The following CHL1 variants were observed in gnomAD, a reference collection of about 807,000 sequenced individuals.
CHL1 encodes the protein cell adhesion molecule L1 like, also known as neural cell adhesion molecule L1-like protein.
A neutral mutation model predicts 141.9 loss-of-function variants in CHL1; 96 were observed. The ratio of observed to expected loss-of-function variants is 0.68; its 90% CI spans 0.57 to 0.80. The LOEUF is 0.80. Among genes scored for constraint, CHL1 ranks in the 30% least tolerant of loss-of-function variants. The pLI, the probability that CHL1 is intolerant of heterozygous loss-of-function variation, is 0.00. For missense variants in CHL1, 1,820 were observed against 1,457.2 expected (o/e 1.25, Z -4.05); for synonymous variants, 613 against 502.2 (o/e 1.22, Z -2.95).
chr3:316,953 A>G (rs1270629667), intron 2 of CHL1, among the ~76,000 whole-genome samples: 1 of 152,050 alleles, frequency 6.6e-6, no homozygotes, highest in African/African-American at 2.4e-5. Context: ...TGGAATTCCT[A>G]AGAAACATAC....
chr3:233,100 T>G (rs1319764814), intron 1 of CHL1, among the ~76,000 whole-genome samples: 2 of 152,130 alleles, frequency 1.3e-5, no homozygotes, highest in Non-Finnish European at 2.9e-5. Flanking sequence ...AAACTGGAGT[T>G]ATCTTCCTGA....
intron 2 of CHL1, among the ~76,000 whole-genome samples, chr3:276,356 T>A (rs1189870541): frequency 6.6e-6 from 1 of 152,222 alleles, no homozygotes; most frequent in East Asian, 1.9e-4. Context: ...TTATAACCTT[T>A]CTTCTCAGAC....
intron 2 of CHL1, among the ~76,000 whole-genome samples, chr3:294,782 C>G (rs1698032361): frequency 6.6e-6 from 1 of 152,142 alleles, no homozygotes; most frequent in Non-Finnish European, 1.5e-5. Flanking sequence ...ACCTTCAAAA[C>G]TGCGGTCGAC....
At chr3:199,717 A>T (rs1354230016) in intron 1 of CHL1, among the ~76,000 whole-genome samples, 1 of 152,184 alleles carries the variant, frequency 6.6e-6, no homozygotes, top group Non-Finnish European at 1.5e-5. Flanking sequence ...AATAGAGCTC[A>T]CCCAGAAAAA....
Position 349,423 on chromosome 3 carries a change from G to T in CHL1, c.913G>T (p.Glu305Ter). 1 of 1,613,956 alleles carries T rather than the reference G, an allele frequency of 6.2e-7. No homozygotes were observed. The highest frequency in any genetic ancestry group is 8.5e-7 in the Non-Finnish European group (1 of 1,179,844). The change falls in exon 10 of 28, where the codon GAA (glutamate) becomes TAA (stop). Residue 305 changes from glutamate to a stop codon, truncating the protein, a stop_gained. Coordinates refer to ENST00000256509, the MANE Select transcript of CHL1 (RefSeq NM_006614.4). LOFTEE classifies it high-confidence loss of function. ...GDLPKGRETK[E>*]NYGKTLKIEN... ...CTTACCAAAGGGGAGAGAAACAAAA[G>T]AAAATTATGGCAAGACTTTGAAGAT...
chr3:312,028 G>C (rs947092321), intron 2 of CHL1, among the ~76,000 whole-genome samples: 6 of 152,052 alleles, frequency 3.9e-5, no homozygotes, highest in Admixed American at 3.9e-4. Flanking sequence ...ACATGTATAG[G>C]TGGGAAAACA....
intron 11 of CHL1, among the ~76,000 whole-genome samples, chr3:355,504 A>G (rs558166312): frequency 4.6e-5 from 7 of 152,278 alleles, no homozygotes; most frequent in Non-Finnish European, 7.4e-5. Flanking sequence ...ATTATTTTGG[A>G]TGTCCTTGTT....
intron 1 of CHL1, among the ~76,000 whole-genome samples, chr3:206,469 A>T (rs1365127017): frequency 6.6e-6 from 1 of 152,114 alleles, no homozygotes; most frequent in Non-Finnish European, 1.5e-5. Flanking sequence ...GTCTTAAAAA[A>T]AAATCTTAAT....
At chr3:333,124 A>ATTTTT (rs879790982) in intron 5 of CHL1, among the ~76,000 whole-genome samples, 1,094 of 83,276 alleles carry the variant, frequency 0.013, 310 homozygotes, top group African/African-American at 0.021. Flanking sequence ...TAATTGCTCT[A>ATTTTT]TTTTTTTTAT....
chr3:388,072 G>T (rs927275998), intron 19 of CHL1, among the ~76,000 whole-genome samples: 1 of 152,138 alleles, frequency 6.6e-6, no homozygotes, highest in African/African-American at 2.4e-5. Flanking sequence ...TTATATAAGT[G>T]AACCTTAAAT....
intron 11 of CHL1, 22 bp from the exon 12 acceptor site, chr3:360,261 TG>T: frequency 1.2e-6 from 2 of 1,612,484 alleles, no homozygotes; most frequent in Non-Finnish European, 1.7e-6. Context: ...CTTATCAAAC[TG>T]ACATTCTTTA....
At chr3:335,970 T>G (rs531911506) in intron 5 of CHL1, among the ~76,000 whole-genome samples, 21 of 152,214 alleles carry the variant, frequency 1.4e-4, no homozygotes, top group Non-Finnish European at 2.8e-4. Flanking sequence ...TGCTCCTATT[T>G]TAATCGATTC....
At chr3:253,066 GC>G (rs1693846298) in intron 2 of CHL1, among the ~76,000 whole-genome samples, 1 of 151,988 alleles carries the variant, frequency 6.6e-6, no homozygotes, top group Non-Finnish European at 1.5e-5. Context: ...AGTAATGTGT[GC>G]TTTTACAAGT....
In CHL1 at chr3:406,903, A is replaced by T. The variant is rs906831001; in HGVS notation, c.*1192A>T. 1 of 152,278 alleles carries T rather than the reference A, an allele frequency of 6.6e-6. No individual in the cohort carries two copies. The highest frequency in any genetic ancestry group is 2.1e-4 in the South Asian group (1 of 4,834). The allele number at this position is 152,278 out of a possible 1,614,324, so 9.4% of individuals were successfully genotyped here. A position where few individuals can be genotyped will look rare whatever the true frequency, so the allele number is the denominator to read the frequency against. ...AATAGGTTTTTATTGTTGAATGTAC[A>T]TCTACCCCAGCCCCTCAAAAGAAAA... is the stretch of plus-strand genomic sequence containing the variant. On this transcript the variant is annotated 3_prime_UTR_variant, in exon 28 of 28. Transcript: ENST00000256509.
rs1709567969 is a variant in CHL1, at chr3:406,955, T to TA, written c.*1245dup. On this transcript the variant is annotated 3_prime_UTR_variant, in exon 28 of 28. Coordinates refer to ENST00000256509, the MANE Select transcript of CHL1 (RefSeq NM_006614.4). ...CTGTTTACATAGAAATTCCTACACA[T>TA]ACGTTTGCGTATATGTTATTTTAAA... is the stretch of plus-strand genomic sequence containing the variant. The TA allele has an allele frequency of 6.6e-6, 1 of 152,176 alleles. No individual in the cohort carries two copies. Among genetic ancestry groups the TA allele is most frequent in the Admixed American group, 6.6e-5 (1 of 15,260 alleles). The allele number at this position is 152,176 out of a possible 1,614,324, so 9.4% of individuals were successfully genotyped here.
At chr3:385,207 T>C (rs1707537730) in intron 19 of CHL1, among the ~76,000 whole-genome samples, 1 of 152,198 alleles carries the variant, frequency 6.6e-6, no homozygotes, top group African/African-American at 2.4e-5. Flanking sequence ...ATATAGTTGG[T>C]TAGATATCAG....
At chr3:359,013 T>A (rs948588271) in intron 11 of CHL1, among the ~76,000 whole-genome samples, 1 of 147,754 alleles carries the variant, frequency 6.8e-6, no homozygotes, top group South Asian at 2.1e-4. Flanking sequence ...ATATATAATA[T>A]AATAATATAT....
At chr3:236,252 C>T (rs1559313838) in intron 1 of CHL1, among the ~76,000 whole-genome samples, 1 of 152,168 alleles carries the variant, frequency 6.6e-6, no homozygotes, top group Admixed American at 6.5e-5. Context: ...CCCAAAGTGA[C>T]ACAGCTAGTA....
chr3:278,177 T>C (rs779028195), intron 2 of CHL1, among the ~76,000 whole-genome samples: 10 of 152,226 alleles, frequency 6.6e-5, no homozygotes, highest in Non-Finnish European at 1.0e-4. Context: ...GGAAGCAAAT[T>C]AAAATTACAA....
Sources: gnomAD v4.1 joint callset for allele counts (sites outside exome capture counted in the v4.1 genomes callset) on GRCh38, gnomAD v4.1.1 for gene constraint, MANE v1.5 for transcripts, NCBI Gene and HGNC (gene_info 2026-07-23, HGNC 2026-07-21) for gene names.